The following DACH1 variants were observed in gnomAD, a reference collection of about 807,000 sequenced individuals.
DACH1 encodes dachshund homolog 1.
In DACH1, 12 loss-of-function variants were observed where a neutral mutation model predicts 54.2. The ratio of observed to expected loss-of-function variants is 0.22; its 90% confidence interval spans 0.14 to 0.36. DACH1 has a LOEUF of 0.36. Among genes scored for constraint, DACH1 ranks in the 10% least tolerant of loss-of-function variants. DACH1 has a pLI of 1.00. For synonymous variants in DACH1, 386 were observed against 366.2 expected (o/e 1.05, Z -0.62); for missense variants, 805 against 929.8 (o/e 0.87, Z 1.75).
intron 3 of DACH1, among the ~76,000 whole-genome samples, chr13:71,593,947 T>G (rs980301066): frequency 4.6e-5 from 7 of 151,506 alleles, no homozygotes; most frequent in Admixed American, 3.9e-4. Context: ...AATTAGTTGA[T>G]TATGATAAGT....
At position 71,783,409 on chromosome 13, in the gene DACH1, C is replaced by A. The variant is rs190909192; in HGVS notation, c.848+82513G>T. ...AAATTTAGTCACTAACATATACAAA[C>A]AAGATCAAGATCCCCGCTTATGTTT... is the stretch of plus-strand genomic sequence containing the variant. On this transcript the variant is annotated intron_variant, in intron 1 of 10. Transcript: ENST00000613252. 5.3e-3 allele frequency among the ~76,000 whole-genome samples: 801 copies of A among 152,158 alleles called. 5 individuals are homozygous for A. Among genetic ancestry groups the A allele is most frequent in the African/African-American group, 0.017 (711 of 41,538 alleles).
At chr13:71,492,213 T>C (rs1446784156) in intron 6 of DACH1, among the ~76,000 whole-genome samples, 1 of 152,180 alleles carries the variant, frequency 6.6e-6, no homozygotes, top group African/African-American at 2.4e-5. Context: ...GCAAACTATA[T>C]GTTTATTCAT....
At chr13:71,848,712 G>A (rs762588033) in intron 1 of DACH1, among the ~76,000 whole-genome samples, 3 of 151,830 alleles carry the variant, frequency 2.0e-5, no homozygotes, top group Non-Finnish European at 4.4e-5. Flanking sequence ...GTACAGATGG[G>A]GGGGTTCTCA....
intron 10 of DACH1, among the ~76,000 whole-genome samples, chr13:71,442,766 GATA>G (rs1461805180): frequency 2.6e-5 from 4 of 151,826 alleles, no homozygotes; most frequent in African/African-American, 7.3e-5. Flanking sequence ...AACAATTATA[GATA>G]ATAATGATGC....
intron 9 of DACH1, 97 bp downstream of exon 9, chr13:71,475,609 A>G: frequency 7.3e-7 from 1 of 1,372,624 alleles, no homozygotes; most frequent in Non-Finnish European, 9.8e-7. Context: ...AATGAATCAC[A>G]AGATATAGAA....
At chr13:71,729,643 G>A (rs1233595794) in intron 1 of DACH1, among the ~76,000 whole-genome samples, 1 of 152,024 alleles carries the variant, frequency 6.6e-6, no homozygotes, top group Non-Finnish European at 1.5e-5. Flanking sequence ...CACAATGACA[G>A]ACCCACAGAA....
intron 2 of DACH1, among the ~76,000 whole-genome samples, chr13:71,663,137 G>GGTGTGTGTAATTGTGTATATGATTGTGT (rs536897090): frequency 0.012 from 1,833 of 151,276 alleles, 15 homozygotes; most frequent in East Asian, 0.023. Context: ...GGAAATAAAG[G>GGTGTGTGTAATTGTGTATATGATTGTGT]GTGTGTGTAA....
Position 71,493,654 on chromosome 13 carries a change from A to T in DACH1, c.1571-4506T>A, listed in dbSNP as rs1259574058. ...GACGTGGAACAACTTCTTTCTATTC[A>T]ATTTCCTCATTTACAAAAAAATATC... is the stretch of plus-strand genomic sequence containing the variant. On this transcript the variant is annotated intron_variant, in intron 6 of 10. Coordinates refer to ENST00000613252, the MANE Select transcript of DACH1 (RefSeq NM_080759.6). Among the ~76,000 whole-genome samples the T allele has an allele frequency of 7.2e-5, 11 of 152,190 alleles. No homozygotes were observed. The East Asian group carries it at 2.1e-3, about 29-fold the overall frequency.
intron 6 of DACH1, among the ~76,000 whole-genome samples, chr13:71,491,771 C>T (rs1247214949): frequency 5.3e-5 from 8 of 152,060 alleles, no homozygotes; most frequent in African/African-American, 7.2e-5. Flanking sequence ...TAGAAGATTT[C>T]GTTTAGCTCT....
chr13:71,612,697 A>T (rs1032760162), intron 3 of DACH1, among the ~76,000 whole-genome samples: 1 of 152,222 alleles, frequency 6.6e-6, no homozygotes, highest in Non-Finnish European at 1.5e-5. Flanking sequence ...GAATAAGTAA[A>T]TGTAGACGTG....
chr13:71,500,643 C>T (rs1879834450), intron 6 of DACH1, among the ~76,000 whole-genome samples: 1 of 151,990 alleles, frequency 6.6e-6, no homozygotes, highest in African/African-American at 2.4e-5. Context: ...TTTTTCAAAC[C>T]CAAGTCTGAA....
At chr13:71,648,844 C>A (rs938997328) in intron 2 of DACH1, among the ~76,000 whole-genome samples, 3 of 152,150 alleles carry the variant, frequency 2.0e-5, no homozygotes, top group Non-Finnish European at 4.4e-5. Context: ...ATAGCCACCC[C>A]TTTCCTGCCA....
chr13:71,487,369 C>T (rs1294845899), intron 7 of DACH1, among the ~76,000 whole-genome samples: 1 of 152,112 alleles, frequency 6.6e-6, no homozygotes, highest in Non-Finnish European at 1.5e-5. Flanking sequence ...AAAATGTGTA[C>T]ATTTTAAAGC....
intron 6 of DACH1, among the ~76,000 whole-genome samples, chr13:71,514,167 G>A (rs1047710676): frequency 2.6e-5 from 4 of 151,922 alleles, no homozygotes; most frequent in African/African-American, 9.7e-5. Flanking sequence ...ACAGAATACT[G>A]TTTAATTATG....
At chr13:71,857,555 A>G (rs932826596) in intron 1 of DACH1, among the ~76,000 whole-genome samples, 3 of 151,756 alleles carry the variant, frequency 2.0e-5, no homozygotes, top group Non-Finnish European at 4.4e-5. Flanking sequence ...AGCATAGAGT[A>G]CAAATGAGCT....
chr13:71,850,771 A>T (rs977269589), intron 1 of DACH1, among the ~76,000 whole-genome samples: 1 of 152,212 alleles, frequency 6.6e-6, no homozygotes, highest in Admixed American at 6.5e-5. Context: ...CACTCTGACA[A>T]ATGACTCCTT....
intron 10 of DACH1, among the ~76,000 whole-genome samples, chr13:71,441,907 C>A (rs921590131): frequency 6.6e-5 from 10 of 151,514 alleles, no homozygotes; most frequent in Middle Eastern, 3.4e-3. Flanking sequence ...GTTTTTAATT[C>A]TTGTGGGTAA....
intron 4 of DACH1, among the ~76,000 whole-genome samples, chr13:71,568,506 T>C (rs897748552): frequency 6.6e-6 from 1 of 152,028 alleles, no homozygotes; most frequent in Non-Finnish European, 1.5e-5. Context: ...CTATAGGCAC[T>C]AAAACAGAGG....
chr13:71,446,132 G>A (rs1269117099), intron 10 of DACH1, among the ~76,000 whole-genome samples: 1 of 152,114 alleles, frequency 6.6e-6, no homozygotes, highest in Non-Finnish European at 1.5e-5. Flanking sequence ...GAGGTGTGCT[G>A]TTTACATCTG....
Sources: gnomAD v4.1 joint callset for allele counts (sites outside exome capture counted in the v4.1 genomes callset) on GRCh38, gnomAD v4.1.1 for gene constraint, MANE v1.5 for transcripts, NCBI Gene and HGNC (gene_info 2026-07-23, HGNC 2026-07-21) for gene names.